PDZRN3: variants seen among roughly 807,000 people sequenced by gnomAD.
PDZRN3 encodes the protein E3 ubiquitin-protein ligase PDZRN3.
PDZRN3 carries 38 observed loss-of-function variants against 85.7 expected under a neutral mutation model. The observed-to-expected ratio is 0.44, with a 90% CI of 0.34 to 0.58. The LOEUF (loss-of-function observed/expected upper bound fraction) is 0.58, where lower values mean the gene tolerates loss of function less well. Among genes scored for constraint, PDZRN3 ranks in the 20% least tolerant of loss-of-function variants. The pLI is 0.01. For synonymous variants in PDZRN3, 759 were observed against 638.0 expected (o/e 1.19, Z -2.86); for missense variants, 1,629 against 1,506.4 (o/e 1.08, Z -1.35).
chr3:73,481,550 G>A (rs192237071), intron 3 of PDZRN3, among the ~76,000 whole-genome samples: 1 of 151,968 alleles, frequency 6.6e-6, no homozygotes, highest in Admixed American at 6.6e-5. Flanking sequence ...GGCTGGTCTC[G>A]AACTCCCGAC....
At chr3:73,541,546 T>C (rs1166894521) in intron 3 of PDZRN3, among the ~76,000 whole-genome samples, 2 of 152,226 alleles carry the variant, frequency 1.3e-5, no homozygotes, top group South Asian at 4.1e-4. Flanking sequence ...GCATTCTGGT[T>C]TAAGGCTGCA....
chr3:73,549,526 C>T (rs904443905), intron 3 of PDZRN3, among the ~76,000 whole-genome samples: 2 of 152,184 alleles, frequency 1.3e-5, no homozygotes, highest in African/African-American at 4.8e-5. Flanking sequence ...GACGATGATG[C>T]AGCAAGTACA....
intron 3 of PDZRN3, among the ~76,000 whole-genome samples, chr3:73,461,843 T>G (rs1703110455): frequency 6.6e-6 from 1 of 152,228 alleles, no homozygotes; most frequent in Non-Finnish European, 1.5e-5. Flanking sequence ...CATGATTCAC[T>G]ACGGCAGGGC....
intron 3 of PDZRN3, among the ~76,000 whole-genome samples, chr3:73,538,566 T>C (rs1224253193): frequency 6.6e-6 from 1 of 152,228 alleles, no homozygotes; most frequent in Non-Finnish European, 1.5e-5. Flanking sequence ...ATAATGTATT[T>C]ATTATGTCGA....
At chr3:73,470,962 CTT>C (rs1359690868) in intron 3 of PDZRN3, among the ~76,000 whole-genome samples, 1 of 152,124 alleles carries the variant, frequency 6.6e-6, no homozygotes, top group Non-Finnish European at 1.5e-5. Context: ...AATTTTAAAA[CTT>C]GATGTCTGTA....
intron 3 of PDZRN3, among the ~76,000 whole-genome samples, chr3:73,446,856 C>T (rs1377067423): frequency 1.3e-5 from 2 of 151,712 alleles, no homozygotes; most frequent in Non-Finnish European, 2.9e-5. Flanking sequence ...CATGTCTTAC[C>T]CTCGTGACTT....
chr3:73,462,125 T>G (rs1405228776), intron 3 of PDZRN3, among the ~76,000 whole-genome samples: 1 of 152,214 alleles, frequency 6.6e-6, no homozygotes, highest in Admixed American at 6.5e-5. Context: ...GTCAGATAGA[T>G]TACATGTTTG....
intron 3 of PDZRN3, among the ~76,000 whole-genome samples, chr3:73,559,419 C>T (rs981315422): frequency 8.3e-6 from 1 of 121,170 alleles, no homozygotes; most frequent in Admixed American, 9.3e-5. Context: ...GTCTAATCTA[C>T]AAAATATGTT....
At chr3:73,408,186 T>C (rs1313625231) in intron 3 of PDZRN3, 22 of 703,106 alleles carry the variant, frequency 3.1e-5, no homozygotes, top group Non-Finnish European at 7.8e-6. Flanking sequence ...ACAGCAATTG[T>C]GGGATGAAGC....
chr3:73,391,174 T>G (rs902454904), intron 5 of PDZRN3, 58 bp from the exon 6 acceptor site: 2 of 991,922 alleles, frequency 2.0e-6, no homozygotes, highest in African/African-American at 3.2e-5. Context: ...GTTGAGGGGA[T>G]GTCAAATGCT....
intron 3 of PDZRN3, among the ~76,000 whole-genome samples, chr3:73,519,878 G>A (rs1255870987): frequency 2.6e-5 from 4 of 152,174 alleles, no homozygotes; most frequent in Admixed American, 2.6e-4. Context: ...CTAAGGCCAA[G>A]CACTGCTAGA....
chr3:73,584,137 A>G (rs1200607296), intron 3 of PDZRN3, among the ~76,000 whole-genome samples: 3 of 151,534 alleles, frequency 2.0e-5, no homozygotes, highest in African/African-American at 4.9e-5. Flanking sequence ...GGGAGAAAAA[A>G]AAAAAAGAGG....
chr3:73,576,050 C>T (rs1316324342), intron 3 of PDZRN3, among the ~76,000 whole-genome samples: 1 of 152,132 alleles, frequency 6.6e-6, no homozygotes, highest in African/African-American at 2.4e-5. Flanking sequence ...ATATTGCTAT[C>T]ATTCTGCAGG....
intron 3 of PDZRN3, among the ~76,000 whole-genome samples, chr3:73,462,069 G>A (rs889248625): frequency 2.6e-5 from 4 of 152,142 alleles, no homozygotes; most frequent in African/African-American, 9.7e-5. Flanking sequence ...TTTTGCTTGA[G>A]TATAAACTGA....
intron 3 of PDZRN3, among the ~76,000 whole-genome samples, chr3:73,586,605 G>A (rs1386748905): frequency 6.6e-6 from 1 of 152,116 alleles, no homozygotes; most frequent in African/African-American, 2.4e-5. Flanking sequence ...AAACCTCACA[G>A]GGACACTTCA....
intron 5 of PDZRN3, among the ~76,000 whole-genome samples, chr3:73,392,179 A>G (rs978931665): frequency 7.9e-5 from 12 of 152,364 alleles, no homozygotes; most frequent in African/African-American, 2.6e-4. Context: ...GTGGAGCAAC[A>G]GCAGGTGCAA....
At chr3:73,535,296 G>A (rs570776112) in intron 3 of PDZRN3, among the ~76,000 whole-genome samples, 3 of 152,338 alleles carry the variant, frequency 2.0e-5, no homozygotes, top group South Asian at 4.1e-4. Flanking sequence ...ACTCTAAGCA[G>A]AGCAATACAG....
At position 73,403,567 on chromosome 3, in the gene PDZRN3, T is replaced by C. The variant is rs143787633; in HGVS notation, c.1166+581A>G. Among the ~76,000 whole-genome samples the C allele has an allele frequency of 3.3e-5, 5 of 152,342 alleles. No individual in the cohort carries two copies. In the East Asian group the frequency reaches 9.6e-4, roughly 29 times the overall value. ...ACTTTGAGCATCAGGTTTGTCTGAC[T>C]TGAAGCCTCTGAAGGACTCTTTATC... On this transcript the variant is annotated intron_variant, in intron 4 of 9. Transcript: ENST00000263666.
rs779645996 is a variant in PDZRN3, at chr3:73,516,125, G to A, written c.918+86229C>T. ...CATTTATCTTGTTTCTAATTTGGGA[G>A]GAAGGGATATATTGTTGTGGTGGGT... On this transcript the variant is annotated intron_variant, in intron 3 of 9. Transcript: ENST00000263666. 8.1e-4 allele frequency among the ~76,000 whole-genome samples: 124 copies of A among 152,184 alleles called. 1 individual carries two copies. The highest frequency in any genetic ancestry group is 1.5e-3 in the Non-Finnish European group (100 of 68,036).
Sources: gnomAD v4.1 joint callset for allele counts (sites outside exome capture counted in the v4.1 genomes callset) on GRCh38, gnomAD v4.1.1 for gene constraint, MANE v1.5 for transcripts, NCBI Gene and HGNC (gene_info 2026-07-23, HGNC 2026-07-21) for gene names.